SLC8B1: variants seen among roughly 807,000 people sequenced by gnomAD.
SLC8B1 encodes mitochondrial sodium/calcium exchanger protein.
In SLC8B1, 52 loss-of-function variants were observed where a neutral mutation model predicts 63.4. The ratio of observed to expected loss-of-function variants is 0.82; its 90% CI spans 0.66 to 1.03. SLC8B1 has a LOEUF of 1.03. SLC8B1 is among the 50% of genes least tolerant of loss of function. The probability of loss-of-function intolerance (pLI) is 0.00; values close to 1 mark genes in which losing one functional copy is unlikely to be tolerated. For synonymous variants in SLC8B1, 336 were observed against 323.9 expected (o/e 1.04, Z -0.40); for missense variants, 657 against 741.7 (o/e 0.89, Z 1.33).
At chr12:113,332,453 C>T (rs965339626) in intron 2 of SLC8B1, among the ~76,000 whole-genome samples, 6 of 152,070 alleles carry the variant, frequency 3.9e-5, no homozygotes, top group East Asian at 3.9e-4. Flanking sequence ...TTAGTAGATA[C>T]GGGGTTTTGA....
chr12:113,320,774 A>T lies in SLC8B1; in HGVS notation c.420+76T>A, dbSNP rs1956915565. 6.3e-7 allele frequency: 1 copy of T among 1,576,876 alleles called. No individual in the cohort carries two copies. The highest frequency in any genetic ancestry group is 1.9e-5 in the Admixed American group (1 of 52,104). Reference sequence around the variant, plus strand: ...TATCCCCCAGCTTCCCCACACGGGGATAGACATGACCCTATCTCCCAGCCT... The same window carrying T: ...TATCCCCCAGCTTCCCCACACGGGGTTAGACATGACCCTATCTCCCAGCCT... On this transcript the variant is annotated intron_variant, in intron 5 of 15. Transcript: ENST00000680972. This position sits in a 1 kb window ranked among gnomAD's most constrained non-coding sequence, Gnocchi z 5.3.
rs748731185 is a variant in SLC8B1, at chr12:113,299,727, AGGG to A, written c.*47_*49del. 10 of 1,574,546 alleles carry A rather than the reference AGGG, an allele frequency of 6.4e-6. No individual in the cohort carries two copies. In the Admixed American group the frequency reaches 1.7e-4, roughly 27 times the overall value. ...CGGTCCCTGGGCCTCCCCCGGCAGG[AGGG>A]GCGGGGCTCCTGCCTGCAGTGAGGC... On this transcript the variant is annotated 3_prime_UTR_variant, in exon 16 of 16. Transcript: ENST00000680972.
Position 113,307,837 on chromosome 12 carries a change from G to T in SLC8B1, c.1265C>A (p.Ala422Asp), listed in dbSNP as rs1229725981. 3 of 1,612,126 alleles carry T rather than the reference G, an allele frequency of 1.9e-6. No homozygotes were observed. Among genetic ancestry groups the T allele is most frequent in the Non-Finnish European group, 2.5e-6 (3 of 1,179,948 alleles). ...SQPPRLHWLF[A>D]FLGFLTSALW... The stretch of plus-strand genomic sequence containing the variant: ...GGCGCTGGTCAGAAAGCCCAGGAAA[G>T]CAAAGAGCTGCGGAGGGAATGGTTT... The change falls in exon 13 of 16, where the codon GCT becomes GAT. Residue 422 changes from alanine to aspartate, a missense_variant. Physicochemically the swap from Ala to Asp is moderately radical, Grantham distance 126 (BLOSUM62 -2). Coordinates refer to ENST00000680972, the MANE Select transcript of SLC8B1 (RefSeq NM_001358345.2).
intron 8 of SLC8B1, among the ~76,000 whole-genome samples, chr12:113,318,182 A>G (rs542625525): frequency 4.0e-5 from 6 of 150,666 alleles, no homozygotes; most frequent in African/African-American, 9.7e-5. Context: ...GTATGCATGT[A>G]TGTGTTGCAC....
intron 2 of SLC8B1, among the ~76,000 whole-genome samples, chr12:113,332,135 A>G (rs1957063883): frequency 6.6e-6 from 1 of 152,118 alleles, no homozygotes; most frequent in African/African-American, 2.4e-5. Context: ...CTTGCCTCAA[A>G]TATCACCCCC....
At chr12:113,328,578 C>T (rs73192861) in intron 2 of SLC8B1, among the ~76,000 whole-genome samples, 17,251 of 152,034 alleles carry the variant, frequency 0.11, 1,073 homozygotes, top group African/African-American at 0.17. Flanking sequence ...AATGCCCAGA[C>T]CCTCCTGGCA....
chr12:113,299,179 C>T lies in SLC8B1; in HGVS notation c.*598G>A, dbSNP rs573424488. 1.9e-4 allele frequency: 30 copies of T among 156,248 alleles called. No homozygotes were observed. The highest frequency in any genetic ancestry group is 9.8e-4 in the Admixed American group (16 of 16,298). 9.7% of individuals were successfully genotyped at this position (156,248 alleles called of 1,614,324 possible). A position where few individuals can be genotyped will look rare whatever the true frequency, so the allele number is the denominator to read the frequency against. ...GTGGGTTCAGTGAAGTGTGTTGCCA[C>T]GAATAGCACCCGCTGCTTTTGGCTT... is the stretch of plus-strand genomic sequence containing the variant. On this transcript the variant is annotated 3_prime_UTR_variant, in exon 16 of 16. Coordinates refer to ENST00000680972, the MANE Select transcript of SLC8B1 (RefSeq NM_001358345.2).
In SLC8B1 at chr12:113,306,582, AG is replaced by A; in HGVS notation, c.1412-8del. 3.1e-6 allele frequency: 5 copies of A among 1,613,552 alleles called. No homozygotes were observed. The highest frequency in any genetic ancestry group is 4.2e-6 in the Non-Finnish European group (5 of 1,179,640). On this transcript the variant is annotated splice_polypyrimidine_tract_variant and splice_region_variant and intron_variant, in intron 13 of 15. Coordinates refer to ENST00000680972, the MANE Select transcript of SLC8B1 (RefSeq NM_001358345.2). ...GTGAAATCCGAGAAGGCATCTGCAC[AG>A]GAACAAGAGGGGCCTGCAGTGGTGA...
At chr12:113,318,583 GTA>G (rs1486638405) in intron 8 of SLC8B1, among the ~76,000 whole-genome samples, 6 of 152,162 alleles carry the variant, frequency 3.9e-5, no homozygotes, top group Admixed American at 2.0e-4. Context: ...ATGTATTTGT[GTA>G]TATGACTGTA....
chr12:113,301,442 T>G (rs1277628531), intron 15 of SLC8B1, among the ~76,000 whole-genome samples: 1 of 151,186 alleles, frequency 6.6e-6, no homozygotes, highest in Non-Finnish European at 1.5e-5. Context: ...GTTCAAGTGA[T>G]TCTCCTGCCT....
At chr12:113,328,877 G>A (rs1028852768) in intron 2 of SLC8B1, among the ~76,000 whole-genome samples, 7 of 151,686 alleles carry the variant, frequency 4.6e-5, no homozygotes, top group South Asian at 2.1e-4. Context: ...TCAGCCTCCC[G>A]AGTAGCTGGG....
intron 14 of SLC8B1, 80 bp from the exon 15 acceptor site, chr12:113,304,465 A>C (rs780929159): frequency 2.2e-6 from 3 of 1,338,292 alleles, no homozygotes; most frequent in Non-Finnish European, 3.2e-6. Flanking sequence ...TACTGTGTTC[A>C]TCCCCAGGGC....
rs1306610488 is a variant in SLC8B1 at position 113,306,860 on chromosome 12, C to G, written c.1412-285G>C. 8.5e-6 allele frequency: 4 copies of G among 471,194 alleles called. No individual in the cohort carries two copies. In the Admixed American group the frequency reaches 1.4e-4, roughly 17 times the overall value. The allele number at this position is 471,194 out of a possible 1,614,324, so 29.2% of individuals were successfully genotyped here. Reference sequence around the variant, plus strand: ...GCACAGTGGCTCACACCTGTAATCCCAGCACTTTGGGAGGCCAAGATAGAT... The same window carrying G: ...GCACAGTGGCTCACACCTGTAATCCGAGCACTTTGGGAGGCCAAGATAGAT... On this transcript the variant is annotated intron_variant, in intron 13 of 15. Transcript: ENST00000680972.
At chr12:113,331,926 CCCG>C (rs1359061291) in intron 2 of SLC8B1, among the ~76,000 whole-genome samples, 1 of 152,128 alleles carries the variant, frequency 6.6e-6, no homozygotes, top group African/African-American at 2.4e-5. Context: ...TTGTAATCTG[CCCG>C]CCATTACCTC....
At position 113,307,843 on chromosome 12, in the gene SLC8B1, A is replaced by T; in HGVS notation, c.1259T>A (p.Leu420His). 1 of 1,611,934 alleles carries T rather than the reference A, an allele frequency of 6.2e-7. No individual in the cohort carries two copies. Among genetic ancestry groups the T allele is most frequent in the Non-Finnish European group, 8.5e-7 (1 of 1,179,904 alleles). ...SDSQPPRLHW[L>H]FAFLGFLTSA... ...GGTCAGAAAGCCCAGGAAAGCAAAG[A>T]GCTGCGGAGGGAATGGTTTGCTGTG... Residue 420 changes from leucine to histidine, a missense_variant and splice_region_variant, in exon 13 of 16, where the codon CTC (leucine) becomes CAC (histidine). Leu to His is a moderately conservative substitution (Grantham distance 99). Transcript: ENST00000680972.
At position 113,305,711 on chromosome 12, in the gene SLC8B1, T is replaced by C. The variant is rs1191425862; in HGVS notation, c.1492+784A>G. ...ACTGTCTGTGCCTGTTTCTGCACTA[T>C]AGCAGCAGAGTTGAGTAGCTGCAAA... On this transcript the variant is annotated intron_variant, in intron 14 of 15. Transcript: ENST00000680972. This position sits in a 1 kb window ranked among gnomAD's most constrained non-coding sequence, Gnocchi z 4.3. 2.0e-5 allele frequency among the ~76,000 whole-genome samples: 3 copies of C among 152,214 alleles called. No individual in the cohort carries two copies. Among genetic ancestry groups the C allele is most frequent in the Non-Finnish European group, 4.4e-5 (3 of 68,024 alleles).
At chr12:113,329,212 T>G (rs1957029984) in intron 2 of SLC8B1, among the ~76,000 whole-genome samples, 1 of 152,158 alleles carries the variant, frequency 6.6e-6, no homozygotes, top group Non-Finnish European at 1.5e-5. Context: ...TTGTTTCCAC[T>G]TCACAGATGA....
At chr12:113,316,881 T>C in intron 9 of SLC8B1, 61 bp downstream of exon 9, 1 of 1,581,594 alleles carries the variant, frequency 6.3e-7, no homozygotes, top group Non-Finnish European at 8.6e-7. Context: ...GGGCCCCATC[T>C]TTCCACCCCC....
chr12:113,319,341 G>C (rs1306063524), intron 7 of SLC8B1: 1 of 392,426 alleles, frequency 2.5e-6, no homozygotes, highest in Non-Finnish European at 4.8e-6. Context: ...ACTAAGGGTC[G>C]GTGTCCTGCT....
Sources: gnomAD v4.1 joint callset for allele counts (sites outside exome capture counted in the v4.1 genomes callset) on GRCh38, gnomAD v4.1.1 for gene constraint, Gnocchi (gnomAD v3.1) non-coding constraint, MANE v1.5 for transcripts, NCBI Gene and HGNC (gene_info 2026-07-23, HGNC 2026-07-21) for gene names.